TRAPPC8: variants seen among roughly 807,000 people sequenced by gnomAD.
The protein encoded by TRAPPC8 is general sporulation gene 1 homolog.
TRAPPC8 carries 54 observed loss-of-function variants against 174.3 expected under a neutral mutation model. The ratio of observed to expected loss-of-function variants is 0.31; its 90% CI spans 0.25 to 0.39. The LOEUF (loss-of-function observed/expected upper bound fraction) is 0.39. TRAPPC8 is among the 10% of genes least tolerant of loss of function. The pLI is 1.00. For synonymous variants in TRAPPC8, 630 were observed against 579.9 expected (o/e 1.09, Z -1.24); for missense variants, 1,531 against 1,699.1 (o/e 0.90, Z 1.74).
chr18:31,942,168 A>G (rs1292578885), intron 1 of TRAPPC8, among the ~76,000 whole-genome samples: 1 of 152,230 alleles, frequency 6.6e-6, no homozygotes, highest in African/African-American at 2.4e-5. Flanking sequence ...TAACATCCAC[A>G]ACTACTTTCA....
At position 31,941,631 on chromosome 18, in the gene TRAPPC8, G is replaced by C. The variant is rs142054613; in HGVS notation, c.157+977C>G. On this transcript the variant is annotated intron_variant, in intron 1 of 28. Coordinates refer to ENST00000283351, the MANE Select transcript of TRAPPC8 (RefSeq NM_014939.5). Reference sequence around the variant, plus strand: ...TAAAAACAAAAGCTAATTTATAATGGAACTATTCTCCCAAAAAACATGGTA... The same window carrying C: ...TAAAAACAAAAGCTAATTTATAATGCAACTATTCTCCCAAAAAACATGGTA... Among the ~76,000 whole-genome samples, 25 of 152,188 alleles carry C rather than the reference G, an allele frequency of 1.6e-4. No homozygotes were observed. The East Asian group carries it at 4.8e-3, about 29-fold the overall frequency.
Position 31,940,027 on chromosome 18 carries a change from T to G in TRAPPC8, c.157+2581A>C, listed in dbSNP as rs1001727723. Among the ~76,000 whole-genome samples, 6 of 152,306 alleles carry G rather than the reference T, an allele frequency of 3.9e-5. No individual in the cohort carries two copies. In the South Asian group the frequency reaches 6.2e-4, roughly 16 times the overall value. On this transcript the variant is annotated intron_variant, in intron 1 of 28. Coordinates refer to ENST00000283351, the MANE Select transcript of TRAPPC8 (RefSeq NM_014939.5). Reference sequence around the variant, plus strand: ...GGCTACTGAGTACTTGAAATGTGACTAGTACAAATTGAGATGTTAAGTATA... The same window carrying G: ...GGCTACTGAGTACTTGAAATGTGACGAGTACAAATTGAGATGTTAAGTATA...
chr18:31,894,959 T>C (rs890313119), intron 11 of TRAPPC8, among the ~76,000 whole-genome samples: 8 of 152,224 alleles, frequency 5.3e-5, no homozygotes, highest in African/African-American at 1.7e-4. Flanking sequence ...ACCAAATTCA[T>C]ATACATCCTA....
intron 12 of TRAPPC8, 92 bp downstream of exon 12, chr18:31,890,643 T>G: frequency 6.9e-7 from 1 of 1,458,594 alleles, no homozygotes. Context: ...AAAATTTAGT[T>G]TTTAAGATCC....
Position 31,873,545 on chromosome 18 carries a change from G to C in TRAPPC8, c.1954-7C>G. ...GTGACAGCTGACTTACATTCTGAGA[G>C]AAATATAAAAGGGAAAAAAAGTAGT... On this transcript the variant is annotated splice_polypyrimidine_tract_variant and splice_region_variant and intron_variant, in intron 13 of 28. Transcript: ENST00000283351. The C allele has an allele frequency of 6.3e-7, 1 of 1,595,126 alleles. No homozygotes were observed. Among genetic ancestry groups the C allele is most frequent in the East Asian group, 2.2e-5 (1 of 44,682 alleles).
intron 2 of TRAPPC8, among the ~76,000 whole-genome samples, chr18:31,924,738 CAAAAAAAAA>C (rs398032376): frequency 5.4e-5 from 5 of 91,876 alleles, no homozygotes; most frequent in Admixed American, 1.3e-4. Context: ...AACTCCGTCT[CAAAAAAAAA>C]AAAAAAAAAA....
At chr18:31,865,548 C>T (rs1348665411) in intron 18 of TRAPPC8, among the ~76,000 whole-genome samples, 9 of 151,878 alleles carry the variant, frequency 5.9e-5, no homozygotes, top group Admixed American at 3.9e-4. Context: ...GAAAACTCTG[C>T]TTAGAAGATA....
intron 9 of TRAPPC8, among the ~76,000 whole-genome samples, chr18:31,904,917 C>T (rs190138056): frequency 2.2e-4 from 33 of 151,870 alleles, no homozygotes; most frequent in African/African-American, 7.7e-4. Context: ...GTAATCCCAG[C>T]TACTTGGGAG....
chr18:31,916,343 G>C lies in TRAPPC8; in HGVS notation c.546C>G (p.Pro182=), dbSNP rs781063599. The change falls in exon 4 of 29, where the codon CCC becomes CCG. Residue 182 remains proline, a synonymous_variant. Coordinates refer to ENST00000283351, the MANE Select transcript of TRAPPC8 (RefSeq NM_014939.5). The part of the protein sequence containing the change: ...RIQHNSDYSY[P]KWFIPNTLKY... ...TAAGTGTATTTGGTATAAACCACTT[G>C]GGGTAGGAATAATCACTGTTGTGCT... 2 of 1,613,460 alleles carry C rather than the reference G, an allele frequency of 1.2e-6. No individual in the cohort carries two copies. The highest frequency in any genetic ancestry group is 2.2e-5 in the South Asian group (2 of 90,938).
At chr18:31,897,353 G>T (rs1012780579) in intron 11 of TRAPPC8, among the ~76,000 whole-genome samples, 1 of 152,038 alleles carries the variant, frequency 6.6e-6, no homozygotes, top group Non-Finnish European at 1.5e-5. Context: ...CATGCTAGTT[G>T]AAAGTAAAAC....
intron 20 of TRAPPC8, among the ~76,000 whole-genome samples, chr18:31,857,308 G>A: frequency 6.6e-6 from 1 of 152,096 alleles, no homozygotes; most frequent in East Asian, 1.9e-4. Context: ...AAACAATTGA[G>A]AAGTTTACAG....
At chr18:31,925,096 A>G (rs759883409) in intron 2 of TRAPPC8, among the ~76,000 whole-genome samples, 17 of 152,164 alleles carry the variant, frequency 1.1e-4, no homozygotes, top group Non-Finnish European at 1.6e-4. Context: ...CCAATAAAGA[A>G]GTCTACTAAC....
chr18:31,888,136 A>G (rs933145925), intron 12 of TRAPPC8, among the ~76,000 whole-genome samples: 1 of 152,162 alleles, frequency 6.6e-6, no homozygotes. Flanking sequence ...TATGTAGCCA[A>G]AAAACATATG....
intron 26 of TRAPPC8, among the ~76,000 whole-genome samples, chr18:31,843,238 C>A (rs1831568858): frequency 6.6e-6 from 1 of 151,960 alleles, no homozygotes; most frequent in African/African-American, 2.4e-5. Context: ...TTCAATGAAA[C>A]CTGTAGTTTA....
intron 3 of TRAPPC8, among the ~76,000 whole-genome samples, chr18:31,916,846 C>CA (rs5823825): frequency 0.63 from 79,950 of 126,892 alleles, 25,726 homozygotes; most frequent in Admixed American, 0.73. Flanking sequence ...ATTTTCACAG[C>CA]AAAAAAAAAA....
intron 5 of TRAPPC8, among the ~76,000 whole-genome samples, chr18:31,911,713 T>A (rs1256262235): frequency 7.6e-6 from 1 of 130,876 alleles, no homozygotes; most frequent in Non-Finnish European, 1.5e-5. Context: ...GCCGAGATCA[T>A]GCCACTGCAC....
chr18:31,893,112 T>C (rs2036031416), intron 11 of TRAPPC8, among the ~76,000 whole-genome samples: 1 of 152,176 alleles, frequency 6.6e-6, no homozygotes, highest in Non-Finnish European at 1.5e-5. Flanking sequence ...GGGGATTTTG[T>C]AATTTTCCTA....
At chr18:31,888,370 C>G (rs1321894314) in intron 12 of TRAPPC8, among the ~76,000 whole-genome samples, 1 of 151,996 alleles carries the variant, frequency 6.6e-6, no homozygotes, top group Non-Finnish European at 1.5e-5. Flanking sequence ...CTCATCTCTA[C>G]TAAAAATACA....
In TRAPPC8 at chr18:31,916,404, T is replaced by C. The variant is rs1732796082; in HGVS notation, c.485A>G (p.Gln162Arg). The C allele has an allele frequency of 2.5e-6, 4 of 1,613,520 alleles. No homozygotes were observed. In the African/African-American group the frequency reaches 4.0e-5, roughly 16 times the overall value. ...CTGTTCTTGTGACAACTTTGAAAAC[T>C]GTTCCACAGGTTCAGCTTCACTAGA... is the stretch of plus-strand genomic sequence containing the variant. ...ASSSEAEPVE[Q>R]FSKLSQEQHR... The change falls in exon 4 of 29, where the codon CAG (glutamine) becomes CGG (arginine). Residue 162 changes from glutamine (Q) to arginine (R), a missense_variant. Transcript: ENST00000283351.
Sources: allele counts gnomAD v4.1 joint callset (sites outside exome capture counted in the v4.1 genomes callset), GRCh38; gene constraint gnomAD v4.1.1; transcripts MANE v1.5; gene names NCBI Gene and HGNC (gene_info 2026-07-23, HGNC 2026-07-21).